OTUD7A: variants seen among roughly 807,000 people sequenced by gnomAD.
OTUD7A encodes the protein OTU deubiquitinase 7A.
In OTUD7A, 12 loss-of-function variants were observed where a neutral mutation model predicts 65.7. The observed-to-expected ratio is 0.18, with a 90% CI of 0.12 to 0.30. The LOEUF (loss-of-function observed/expected upper bound fraction) is 0.30, where lower values mean the gene tolerates loss of function less well. Among genes scored for constraint, OTUD7A ranks in the 10% least tolerant of loss-of-function variants. The pLI, the probability that OTUD7A is intolerant of heterozygous loss-of-function variation, is 1.00. For synonymous variants in OTUD7A, 641 were observed against 586.3 expected (o/e 1.09, Z -1.35); for missense variants, 1,148 against 1,304.8 (o/e 0.88, Z 1.85).
intron 1 of OTUD7A, among the ~76,000 whole-genome samples, chr15:31,783,594 A>C (rs550627093): frequency 6.6e-5 from 10 of 152,208 alleles, no homozygotes; most frequent in Non-Finnish European, 1.5e-4. Flanking sequence ...GAAAAGTATT[A>C]ATTGTATTAA....
At chr15:31,598,009 G>A in intron 3 of OTUD7A, among the ~76,000 whole-genome samples, 1 of 152,138 alleles carries the variant, frequency 6.6e-6, no homozygotes, top group African/African-American at 2.4e-5. Context: ...CCAGGGCTGA[G>A]ATGGGCTGAG....
chr15:31,588,026 A>G (rs978309664), intron 3 of OTUD7A, among the ~76,000 whole-genome samples: 1 of 152,070 alleles, frequency 6.6e-6, no homozygotes, highest in African/African-American at 2.4e-5. Flanking sequence ...TGTTGGTATA[A>G]TCCCTACAGA....
intron 1 of OTUD7A, among the ~76,000 whole-genome samples, chr15:31,754,613 G>A (rs1894756925): frequency 6.6e-6 from 1 of 152,148 alleles, no homozygotes; most frequent in South Asian, 2.1e-4. Flanking sequence ...GTTGAAAAGG[G>A]TGTACTTTCC....
At chr15:31,811,603 G>T (rs1896418325) in intron 1 of OTUD7A, among the ~76,000 whole-genome samples, 1 of 152,058 alleles carries the variant, frequency 6.6e-6, no homozygotes, top group Non-Finnish European at 1.5e-5. Flanking sequence ...AGGAGACAGT[G>T]AGAAGCCGCA....
At chr15:31,631,143 G>A (rs1382266001) in intron 3 of OTUD7A, among the ~76,000 whole-genome samples, 1 of 152,136 alleles carries the variant, frequency 6.6e-6, no homozygotes, top group African/African-American at 2.4e-5. Context: ...ATGTTAGCTG[G>A]TTATTTTGAT....
intron 1 of OTUD7A, among the ~76,000 whole-genome samples, chr15:31,798,764 C>G (rs947514419): frequency 4.9e-4 from 75 of 152,366 alleles, no homozygotes; most frequent in African/African-American, 1.7e-3. Flanking sequence ...TGGTTCCCAG[C>G]CCCCACGGCC....
chr15:31,522,895 C>G (rs1239102911), intron 8 of OTUD7A, among the ~76,000 whole-genome samples: 1 of 152,208 alleles, frequency 6.6e-6, no homozygotes, highest in Non-Finnish European at 1.5e-5. Context: ...AGGCCATCAT[C>G]TGTGTCAAGG....
chr15:31,832,363 G>C (rs1896954471), intron 1 of OTUD7A, among the ~76,000 whole-genome samples: 1 of 152,154 alleles, frequency 6.6e-6, no homozygotes. Context: ...TCACAATACA[G>C]AAACATTTAC....
intron 1 of OTUD7A, among the ~76,000 whole-genome samples, chr15:31,663,744 C>T (rs903473028): frequency 1.5e-4 from 23 of 152,028 alleles, no homozygotes; most frequent in African/African-American, 5.3e-4. Context: ...TCTTCAGTGG[C>T]GATTTTTGAG....
rs1896679462 is a variant in OTUD7A, at chr15:31,821,359, T to C, written c.-100+49148A>G. On this transcript the variant is annotated intron_variant, in intron 1 of 12. Coordinates refer to ENST00000307050, the MANE Select transcript of OTUD7A (RefSeq NM_001382637.1). ...TGCGGTTTCACCATGTTGGCCATGA[T>C]GGTCTCAATCTCCTGACCTCATGAT... 2.0e-5 allele frequency among the ~76,000 whole-genome samples: 3 copies of C among 149,056 alleles called. No homozygotes were observed. In the South Asian group the frequency reaches 6.5e-4, roughly 32 times the overall value.
At chr15:31,631,508 G>C (rs1446187935) in intron 3 of OTUD7A, among the ~76,000 whole-genome samples, 1 of 152,114 alleles carries the variant, frequency 6.6e-6, no homozygotes, top group East Asian at 1.9e-4. Flanking sequence ...CTTTCTCTCT[G>C]TCTGCGCTTA....
chr15:31,510,272 T>G (rs532896534), intron 8 of OTUD7A, among the ~76,000 whole-genome samples: 70 of 152,206 alleles, frequency 4.6e-4, no homozygotes, highest in African/African-American at 1.6e-3. Flanking sequence ...TGTTGGCTTT[T>G]CTTTCTGCGA....
chr15:31,610,617 A>ATATATTTTTTTTTTTT, intron 3 of OTUD7A, among the ~76,000 whole-genome samples: 4 of 30,560 alleles, frequency 1.3e-4, no homozygotes, highest in African/African-American at 5.1e-4. Context: ...ATATATATAT[A>ATATATTTTTTTTTTTT]TTTTTTTTTT....
rs149160752 is a variant in OTUD7A at position 31,526,264 on chromosome 15, C to A, written c.893+85G>T. ...ACAGCACAAGAGTCCCACATTCCCC[C>A]CCGTGCCATCCCCCCATGCTGTGTG... On this transcript the variant is annotated intron_variant, in intron 8 of 12. Coordinates refer to ENST00000307050, the MANE Select transcript of OTUD7A (RefSeq NM_001382637.1). 1.5e-5 allele frequency: 19 copies of A among 1,293,294 alleles called. No individual in the cohort carries two copies. The East Asian group carries it at 2.7e-4, about 18-fold the overall frequency. 80.1% of individuals were successfully genotyped at this position (1,293,294 alleles called of 1,614,324 possible).
At chr15:31,601,413 G>A (rs1215403606) in intron 3 of OTUD7A, among the ~76,000 whole-genome samples, 1 of 152,160 alleles carries the variant, frequency 6.6e-6, no homozygotes, top group Non-Finnish European at 1.5e-5. Flanking sequence ...TGAAACCAAT[G>A]AGAACAGACG....
chr15:31,496,097 A>C (rs1197361826), intron 10 of OTUD7A, among the ~76,000 whole-genome samples: 2 of 151,876 alleles, frequency 1.3e-5, no homozygotes, highest in Non-Finnish European at 2.9e-5. Context: ...AAAAAAAAAA[A>C]CTTTCTTGCC....
intron 1 of OTUD7A, among the ~76,000 whole-genome samples, chr15:31,838,659 C>CA (rs1897112178): frequency 4.1e-5 from 1 of 24,340 alleles, no homozygotes; most frequent in African/African-American, 1.2e-4. Context: ...TCTCAAAGAC[C>CA]CCCCCCCACT....
intron 1 of OTUD7A, among the ~76,000 whole-genome samples, chr15:31,737,630 T>C (rs1399517327): frequency 2.0e-5 from 3 of 152,228 alleles, no homozygotes; most frequent in Admixed American, 1.3e-4. Context: ...TTTGGAAATA[T>C]ATCTTACAGA....
At chr15:31,488,290 C>G (rs2041268282) in intron 10 of OTUD7A, among the ~76,000 whole-genome samples, 1 of 152,072 alleles carries the variant, frequency 6.6e-6, no homozygotes, top group African/African-American at 2.4e-5. Flanking sequence ...GAGGGATTGA[C>G]TCATCACAAA....
Sources: gnomAD v4.1 joint callset for allele counts (sites outside exome capture counted in the v4.1 genomes callset) on GRCh38, gnomAD v4.1.1 for gene constraint, MANE v1.5 for transcripts, NCBI Gene and HGNC (gene_info 2026-07-23, HGNC 2026-07-21) for gene names.